The following THADA variants were observed in gnomAD, a reference collection of about 807,000 sequenced individuals.
THADA encodes the protein tRNA (32-2'-O)-methyltransferase regulator THADA.
In THADA, 213 loss-of-function variants were observed where a neutral mutation model predicts 219.8. The ratio of observed to expected loss-of-function variants is 0.97; its 90% confidence interval spans 0.87 to 1.09. The LOEUF (loss-of-function observed/expected upper bound fraction) is 1.09, where lower values mean the gene tolerates loss of function less well. Among genes scored for constraint, THADA ranks in the 50% least tolerant of loss-of-function variants. The pLI, the probability that THADA is intolerant of heterozygous loss-of-function variation, is 0.00. For missense variants in THADA, 2,956 were observed against 2,311.3 expected (o/e 1.28, Z -5.72); for synonymous variants, 1,018 against 828.9 (o/e 1.23, Z -3.92).
intron 20 of THADA, among the ~76,000 whole-genome samples, chr2:43,547,341 C>G (rs948362283): frequency 1.1e-4 from 17 of 152,266 alleles, no homozygotes; most frequent in South Asian, 4.1e-4. Context: ...TGACAATTAT[C>G]TGTCTTGGAG....
chr2:43,448,286 T>G (rs1195109700), intron 26 of THADA, among the ~76,000 whole-genome samples: 1 of 152,230 alleles, frequency 6.6e-6, no homozygotes, highest in South Asian at 2.1e-4. Context: ...TTTCAGCTCC[T>G]AGAACTGTAG....
intron 35 of THADA, among the ~76,000 whole-genome samples, chr2:43,283,022 A>C (rs1374704179): frequency 6.6e-6 from 1 of 152,200 alleles, no homozygotes; most frequent in Non-Finnish European, 1.5e-5. Context: ...GTGAATCCTG[A>C]AGGCAGATTT....
At chr2:43,591,779 G>C (rs189506140) in intron 3 of THADA, among the ~76,000 whole-genome samples, 173 bp downstream of exon 3, 5 of 151,460 alleles carry the variant, frequency 3.3e-5, no homozygotes, top group Non-Finnish European at 7.4e-5. Flanking sequence ...GGCTTCTATT[G>C]CTGCTTTGAA....
chr2:43,512,499 T>C (rs1690616021), intron 22 of THADA, among the ~76,000 whole-genome samples: 1 of 152,196 alleles, frequency 6.6e-6, no homozygotes, highest in South Asian at 2.1e-4. Context: ...TGTTTGTTTG[T>C]TTTTGTTTTG....
intron 10 of THADA, among the ~76,000 whole-genome samples, chr2:43,576,435 T>C (rs2104046610): frequency 6.6e-6 from 1 of 152,326 alleles, no homozygotes; most frequent in East Asian, 1.9e-4. Context: ...GGTAAGCATT[T>C]ACTTTTCTAA....
In THADA at chr2:43,332,954, T is replaced by C. The variant is rs75013917; in HGVS notation, c.4343+11168A>G. Among the ~76,000 whole-genome samples, 764 of 152,338 alleles carry C rather than the reference T, an allele frequency of 5.0e-3. 4 individuals are homozygous for C. Among genetic ancestry groups the C allele is most frequent in the African/African-American group, 0.018 (729 of 41,570 alleles). On this transcript the variant is annotated intron_variant, in intron 30 of 37. Coordinates refer to ENST00000405975, the MANE Select transcript of THADA (RefSeq NM_022065.5). ...CTGCGGTATGAAGAAGCTTTGATCT[T>C]GGACGACTTGCTCAAGGGCCCAGGA...
chr2:43,278,259 A>G (rs1053427904), intron 36 of THADA, among the ~76,000 whole-genome samples: 2 of 152,134 alleles, frequency 1.3e-5, no homozygotes, highest in African/African-American at 4.8e-5. Flanking sequence ...GCCTAAAACA[A>G]GACAATATTG....
chr2:43,359,452 G>A (rs1411670238), intron 29 of THADA, among the ~76,000 whole-genome samples: 1 of 152,238 alleles, frequency 6.6e-6, no homozygotes, highest in African/African-American at 2.4e-5. Context: ...GGCTGAGGCG[G>A]GCAGATCACT....
chr2:43,278,728 C>T (rs1214064629), intron 36 of THADA, among the ~76,000 whole-genome samples: 3 of 152,180 alleles, frequency 2.0e-5, no homozygotes, highest in African/African-American at 7.2e-5. Context: ...ACTGAGGATT[C>T]AGATCCTGGA....
At chr2:43,414,671 A>G (rs1676719614) in intron 28 of THADA, among the ~76,000 whole-genome samples, 1 of 152,214 alleles carries the variant, frequency 6.6e-6, no homozygotes, top group Admixed American at 6.5e-5. Context: ...TGTCCAAGAA[A>G]AACATGCCCC....
intron 17 of THADA, among the ~76,000 whole-genome samples, chr2:43,553,208 A>T (rs534244375): frequency 6.6e-6 from 1 of 152,186 alleles, no homozygotes; most frequent in Non-Finnish European, 1.5e-5. Flanking sequence ...GTTGCTATAA[A>T]CATTCTTGTA....
At chr2:43,506,672 A>G (rs888311485) in intron 23 of THADA, among the ~76,000 whole-genome samples, 7 of 152,312 alleles carry the variant, frequency 4.6e-5, no homozygotes, top group Non-Finnish European at 1.0e-4. Flanking sequence ...CTCTGTGAAT[A>G]TACTGAAAAC....
intron 15 of THADA, chr2:43,562,758 T>G (rs1698221227): frequency 6.6e-6 from 1 of 152,218 alleles, no homozygotes; most frequent in African/African-American, 2.4e-5. Context: ...ATTCAATCTC[T>G]TATAGGTCTG....
In THADA at chr2:43,586,951, A is replaced by G; in HGVS notation, c.354T>C (p.Phe118=). Residue 118 remains phenylalanine, a synonymous_variant, in exon 5 of 38, where the codon TTT becomes TTC. Coordinates refer to ENST00000405975, the MANE Select transcript of THADA (RefSeq NM_022065.5). The stretch of plus-strand genomic sequence containing the variant: ...TCAATTCTTCCTGAAGACGAGAAGT[A>G]AAACGGTGCATAGCCTCAGGTAGAA... ...DFFLPEAMHR[F]TSRLQEELNT... 1 of 1,613,818 alleles carries G rather than the reference A, an allele frequency of 6.2e-7. No homozygotes were observed.
At chr2:43,480,692 C>T (rs1247280258) in intron 26 of THADA, among the ~76,000 whole-genome samples, 1 of 151,802 alleles carries the variant, frequency 6.6e-6, no homozygotes, top group Non-Finnish European at 1.5e-5. Context: ...GTAGTGTGCA[C>T]CTGTAATCCC....
intron 28 of THADA, among the ~76,000 whole-genome samples, chr2:43,410,335 T>C (rs12473294): frequency 0.25 from 38,121 of 152,102 alleles, 4,958 homozygotes; most frequent in South Asian, 0.33. Flanking sequence ...GGCAGTTTCT[T>C]AACAAGTTAA....
At position 43,293,179 on chromosome 2, in the gene THADA, T is replaced by C; in HGVS notation, c.4473A>G (p.Arg1491=). The C allele has an allele frequency of 6.2e-7, 1 of 1,612,890 alleles. No individual in the cohort carries two copies. Among genetic ancestry groups the C allele is most frequent in the Non-Finnish European group, 8.5e-7 (1 of 1,179,148 alleles). ...TCAGCTCTGATCCTGAGATAATCCC[T>C]CTGACTTCCTCCCAGAAGCCAAGAC... ...LESLGFWEEV[R]GIISGSELIT... Residue 1491 remains arginine, a synonymous_variant, in exon 32 of 38, where the codon AGA becomes AGG. Coordinates refer to ENST00000405975, the MANE Select transcript of THADA (RefSeq NM_022065.5).
intron 34 of THADA, among the ~76,000 whole-genome samples, chr2:43,291,451 T>G (rs569860314): frequency 1.5e-4 from 1 of 6,610 alleles, no homozygotes; most frequent in Non-Finnish European, 2.7e-4. Context: ...CAAAACTCCA[T>G]CTCAAAAAAA....
intron 26 of THADA, among the ~76,000 whole-genome samples, chr2:43,472,890 A>G (rs1389032916): frequency 6.6e-6 from 1 of 152,198 alleles, no homozygotes; most frequent in Non-Finnish European, 1.5e-5. Context: ...TAAGCATAGA[A>G]AAAGAATAAA....
Sources: gnomAD v4.1 joint callset for allele counts (sites outside exome capture counted in the v4.1 genomes callset) on GRCh38, gnomAD v4.1.1 for gene constraint, MANE v1.5 for transcripts, NCBI Gene and HGNC (gene_info 2026-07-23, HGNC 2026-07-21) for gene names.